Variants in KIF26A observed in about 807,000 individuals in gnomAD.
KIF26A encodes kinesin family member 26A.
In KIF26A, 74 loss-of-function variants were observed where a neutral mutation model predicts 126.0. That is an observed-to-expected ratio of 0.59 (90% CI 0.49 to 0.71). The LOEUF (loss-of-function observed/expected upper bound fraction) is 0.71. KIF26A is among the 30% of genes least tolerant of loss of function. The pLI is 0.00. For missense variants in KIF26A, 2,984 were observed against 2,763.3 expected (o/e 1.08, Z -1.79); for synonymous variants, 1,445 against 1,232.7 (o/e 1.17, Z -3.61).
In KIF26A at chr14:104,179,844, T is replaced by C; in HGVS notation, c.*54T>C. 1 of 1,418,078 alleles carries C rather than the reference T, an allele frequency of 7.1e-7. No individual in the cohort carries two copies. The highest frequency in any genetic ancestry group is 1.5e-5 in the African/African-American group (1 of 65,752). 87.8% of individuals were successfully genotyped at this position (1,418,078 alleles called of 1,614,324 possible). Reference sequence around the variant, plus strand: ...GTGCAGCGGGCTGGAGGACGGGACGTGGGACGGAGCGAGGATGTGGTGGGG... The same window carrying C: ...GTGCAGCGGGCTGGAGGACGGGACGCGGGACGGAGCGAGGATGTGGTGGGG... On this transcript the variant is annotated 3_prime_UTR_variant, in exon 15 of 15. Transcript: ENST00000423312.
chr14:104,138,922 C>T (rs1326941646), intron 1 of KIF26A, 121 bp from the exon 2 acceptor site: 4 of 1,277,832 alleles, frequency 3.1e-6, no homozygotes, highest in African/African-American at 3.1e-5. Context: ...GGGTGAGCGC[C>T]AGGGTCGTGC....
rs569049621 is a variant in KIF26A, at chr14:104,161,018, G to T, written c.923+3076G>T. Among the ~76,000 whole-genome samples the T allele has an allele frequency of 3.3e-5, 4 of 120,862 alleles. No individual in the cohort carries two copies. In the South Asian group the frequency reaches 1.0e-3, roughly 32 times the overall value. 79.3% of individuals were successfully genotyped at this position (120,862 alleles called of 152,430 possible). On this transcript the variant is annotated intron_variant, in intron 4 of 14. Coordinates refer to ENST00000423312, the MANE Select transcript of KIF26A (RefSeq NM_015656.2). ...CACCCAGCAGAAGTGCAGCGCCTGCGGGGAGAGTGCGCTGCCCGAGGCTTA... is the reference window on the plus strand; with the variant it reads ...CACCCAGCAGAAGTGCAGCGCCTGCTGGGAGAGTGCGCTGCCCGAGGCTTA...
At chr14:104,138,928 C>T (rs1011623964) in intron 1 of KIF26A, 115 bp from the exon 2 acceptor site, 20 of 1,281,718 alleles carry the variant, frequency 1.6e-5, no homozygotes, top group Non-Finnish European at 2.0e-5. Context: ...GCGCCAGGGT[C>T]GTGCCCAGGG....
In KIF26A at chr14:104,147,986, C is replaced by T. The variant is rs1028315868; in HGVS notation, c.289-4029C>T. 3.3e-5 allele frequency among the ~76,000 whole-genome samples: 5 copies of T among 152,182 alleles called. 1 individual carries two copies. The highest frequency in any genetic ancestry group is 7.2e-5 in the African/African-American group (3 of 41,452). ...GAGGTCTGGGGGTCTGATGGCGTGG[C>T]GTCTCTGAACTGGGAGCAGGACTCC... On this transcript the variant is annotated intron_variant, in intron 2 of 14. Coordinates refer to ENST00000423312, the MANE Select transcript of KIF26A (RefSeq NM_015656.2).
intron 2 of KIF26A, among the ~76,000 whole-genome samples, chr14:104,139,788 C>T (rs1045700385): frequency 5.9e-5 from 9 of 152,206 alleles, no homozygotes; most frequent in African/African-American, 2.2e-4. Flanking sequence ...TACTCCTCTC[C>T]CAGCCTCAAG....
rs2038022250 is a variant in KIF26A at position 104,176,108 on chromosome 14, G to A, written c.3320G>A (p.Gly1107Asp). 1 of 1,583,996 alleles carries A rather than the reference G, an allele frequency of 6.3e-7. No homozygotes were observed. Among genetic ancestry groups the A allele is most frequent in the Non-Finnish European group, 8.6e-7 (1 of 1,166,152 alleles). ...EGAAWAGSSHGSSISSWLSEV... is the reference protein window; with the variant it reads ...EGAAWAGSSHDSSISSWLSEV... Reference sequence around the variant, plus strand: ...GCAGCCTGGGCCGGCAGCAGTCACGGCTCCTCCATCAGCTCCTGGCTCAGC... The same window carrying A: ...GCAGCCTGGGCCGGCAGCAGTCACGACTCCTCCATCAGCTCCTGGCTCAGC... The change falls in exon 12 of 15, where the codon GGC becomes GAC. Residue 1107 changes from glycine to aspartate, a missense_variant. Physicochemically the swap from Gly to Asp is moderately conservative, Grantham distance 94. Coordinates refer to ENST00000423312, the MANE Select transcript of KIF26A (RefSeq NM_015656.2).
rs1272181504 is a variant in KIF26A at position 104,176,093 on chromosome 14, C to T, written c.3305C>T (p.Ala1102Val). ...GGGCCCCTGGAGGGGGCAGCCTGGG[C>T]CGGCAGCAGTCACGGCTCCTCCATC... ...EGGPLEGAAW[A>V]GSSHGSSISS... Residue 1102 changes from alanine (A) to valine (V), a missense_variant, in exon 12 of 15, where the codon GCC (alanine) becomes GTC (valine). Physicochemically the swap from Ala to Val is moderately conservative, Grantham distance 64. Coordinates refer to ENST00000423312, the MANE Select transcript of KIF26A (RefSeq NM_015656.2). 6.3e-7 allele frequency: 1 copy of T among 1,587,728 alleles called. No homozygotes were observed. Among genetic ancestry groups the T allele is most frequent in the South Asian group, 1.1e-5 (1 of 87,680 alleles).
intron 9 of KIF26A, 34 bp from the exon 10 acceptor site, chr14:104,173,672 G>T (rs775923021): frequency 6.2e-7 from 1 of 1,606,084 alleles, no homozygotes; most frequent in South Asian, 1.1e-5. Flanking sequence ...GGGGCCCCTG[G>T]CTACACCATC....
chr14:104,152,477 A>G lies in KIF26A; in HGVS notation c.735+16A>G. ...GGCGTGCCTGGTGAGTGTCTTGCTCAGCGGATGGGAGCTGCTGGCCTCCTT... is the reference window on the plus strand; with the variant it reads ...GGCGTGCCTGGTGAGTGTCTTGCTCGGCGGATGGGAGCTGCTGGCCTCCTT... On this transcript the variant is annotated intron_variant, in intron 3 of 14. Transcript: ENST00000423312. This position sits in a 1 kb window ranked among gnomAD's most constrained non-coding sequence, Gnocchi z 5.9. The G allele has an allele frequency of 1.3e-6, 2 of 1,528,160 alleles. No individual in the cohort carries two copies. The highest frequency in any genetic ancestry group is 1.8e-6 in the Non-Finnish European group (2 of 1,140,580). 94.7% of individuals were successfully genotyped at this position (1,528,160 alleles called of 1,614,324 possible).
At chr14:104,138,998 G>A (rs2037610240) in intron 1 of KIF26A, 45 bp from the exon 2 acceptor site, 2 of 1,323,034 alleles carry the variant, frequency 1.5e-6, no homozygotes, top group South Asian at 2.1e-5. Flanking sequence ...TGGATCCGAC[G>A]GACGTCCCAG....
rs758328797 is a variant in KIF26A, at chr14:104,178,620, C to A, written c.5181C>A (p.Leu1727=). 40 of 1,548,520 alleles carry A rather than the reference C, an allele frequency of 2.6e-5. No homozygotes were observed. The highest frequency in any genetic ancestry group is 3.3e-5 in the Non-Finnish European group (38 of 1,146,814). The change falls in exon 13 of 15, where the codon CTC becomes CTA. Residue 1727 remains leucine, a synonymous_variant. Transcript: ENST00000423312. The stretch of plus-strand genomic sequence containing the variant: ...CTGCCCTGGGCCGTAAGCCCAGCCT[C>A]CCCGGGCAGTGGGTGGACCTGCCCC... ...DTTALGRKPS[L]PGQWVDLPPP...
chr14:104,178,842 G>A (rs1157348037), intron 13 of KIF26A, 87 bp downstream of exon 13: 2 of 752,062 alleles, frequency 2.7e-6, no homozygotes, highest in East Asian at 5.7e-5. Context: ...GGGCTCGCCA[G>A]GCCTCTGGGG....
At position 104,152,209 on chromosome 14, in the gene KIF26A, C is replaced by G. The variant is rs146042385; in HGVS notation, c.483C>G (p.Leu161=). The G allele has an allele frequency of 1.2e-6, 2 of 1,602,640 alleles. No homozygotes were observed. The highest frequency in any genetic ancestry group is 2.2e-5 in the South Asian group (2 of 89,628). ...ACGCCCCCCATGGAGGCCCCAGCCT[C>G]GCACCCCCCAGCACCACGACCAGCT... ...DLDAPHGGPS[L]APPSTTTSSR... The change falls in exon 3 of 15, where the codon CTC becomes CTG. Residue 161 remains leucine (L), a synonymous_variant. Coordinates refer to ENST00000423312, the MANE Select transcript of KIF26A (RefSeq NM_015656.2). This position sits in a 1 kb window ranked among gnomAD's most constrained non-coding sequence, Gnocchi z 5.9.
At chr14:104,178,783 T>C in intron 13 of KIF26A, 28 bp downstream of exon 13, 1 of 1,281,466 alleles carries the variant, frequency 7.8e-7, no homozygotes, top group Non-Finnish European at 1.1e-6. Context: ...CTGGGGTCTA[T>C]GACCCCTGGT....
At chr14:104,170,676 C>T (rs952409155) in intron 5 of KIF26A, among the ~76,000 whole-genome samples, 1 of 152,236 alleles carries the variant, frequency 6.6e-6, no homozygotes, top group Non-Finnish European at 1.5e-5. Flanking sequence ...TCAGGGTGGC[C>T]CTCGTGTGCG....
At position 104,157,928 on chromosome 14, in the gene KIF26A, C is replaced by T. The variant is rs2037797504; in HGVS notation, c.909C>T (p.Ala303=). Residue 303 remains alanine, a synonymous_variant, in exon 4 of 15, where the codon GCC becomes GCT. Coordinates refer to ENST00000423312, the MANE Select transcript of KIF26A (RefSeq NM_015656.2). Reference sequence around the variant, plus strand: ...GCTCCACAGGCCCCTCAGCTGCAGCCTCCTTCTTCATAAGGTATGTCCTGG... The same window carrying T: ...GCTCCACAGGCCCCTCAGCTGCAGCTTCCTTCTTCATAAGGTATGTCCTGG... ...VGGSTGPSAA[A]SFFIRAMQKL... 10 of 1,513,922 alleles carry T rather than the reference C, an allele frequency of 6.6e-6. No homozygotes were observed. The highest frequency in any genetic ancestry group is 1.4e-5 in the African/African-American group (1 of 70,572). The allele number at this position is 1,513,922 out of a possible 1,614,324, so 93.8% of individuals were successfully genotyped here.
At chr14:104,150,988 C>T (rs1275701850) in intron 2 of KIF26A, among the ~76,000 whole-genome samples, 1 of 152,184 alleles carries the variant, frequency 6.6e-6, no homozygotes, top group Non-Finnish European at 1.5e-5. Context: ...GCAGGACAGA[C>T]ACTGGTCCTG....
intron 4 of KIF26A, among the ~76,000 whole-genome samples, chr14:104,164,469 A>G (rs926730051): frequency 1.3e-5 from 2 of 149,374 alleles, no homozygotes; most frequent in South Asian, 2.1e-4. Context: ...GATCCGGGGT[A>G]GGGGCTCTGG....
rs2037978972 is a variant in KIF26A at position 104,173,254 on chromosome 14, T to G, written c.1683+15T>G. The G allele has an allele frequency of 6.2e-7, 1 of 1,603,244 alleles. No homozygotes were observed. Among genetic ancestry groups the G allele is most frequent in the Admixed American group, 1.7e-5 (1 of 59,652 alleles). ...GTGGGGCGCAGGTGCGCCTGCCTAC[T>G]GTCCCACCTTGGGGGAGGGGGGCTG... is the stretch of plus-strand genomic sequence containing the variant. On this transcript the variant is annotated intron_variant, in intron 8 of 14. Transcript: ENST00000423312.
Sources: allele counts gnomAD v4.1 joint callset (sites outside exome capture counted in the v4.1 genomes callset), GRCh38; gene constraint gnomAD v4.1.1; non-coding constraint Gnocchi (gnomAD v3.1); transcripts MANE v1.5; gene names NCBI Gene and HGNC (gene_info 2026-07-23, HGNC 2026-07-21).